AFG1L: variants seen among roughly 807,000 people sequenced by gnomAD.
The protein encoded by AFG1L is AFG1 like ATPase.
In AFG1L, 53 loss-of-function variants were observed where a neutral mutation model predicts 62.2. That is an observed-to-expected ratio of 0.85 (90% CI 0.68 to 1.07). The LOEUF (loss-of-function observed/expected upper bound fraction) is 1.07. AFG1L is among the 50% of genes least tolerant of loss of function. The pLI is 0.00. For missense variants in AFG1L, 555 were observed against 590.5 expected (o/e 0.94, Z 0.62); for synonymous variants, 228 against 210.3 (o/e 1.08, Z -0.73).
chr6:108,495,273 C>T (rs1042245807), intron 10 of AFG1L, among the ~76,000 whole-genome samples: 2 of 152,082 alleles, frequency 1.3e-5, no homozygotes, highest in African/African-American at 4.8e-5. Context: ...TAAGATACCA[C>T]GCATGTTTGT....
At chr6:108,393,446 G>C (rs972661756) in intron 6 of AFG1L, among the ~76,000 whole-genome samples, 1 of 151,912 alleles carries the variant, frequency 6.6e-6, no homozygotes, top group Non-Finnish European at 1.5e-5. Flanking sequence ...ATTTCTCAGA[G>C]CATATAGTTT....
intron 1 of AFG1L, among the ~76,000 whole-genome samples, chr6:108,298,221 C>G (rs1776844706): frequency 1.3e-5 from 2 of 150,854 alleles, no homozygotes; most frequent in African/African-American, 4.9e-5. Context: ...TGTTATAAGA[C>G]TGCAGAGGAG....
At chr6:108,438,420 A>C (rs1771404091) in intron 7 of AFG1L, among the ~76,000 whole-genome samples, 1 of 152,158 alleles carries the variant, frequency 6.6e-6, no homozygotes, top group African/African-American at 2.4e-5. Flanking sequence ...CTCTTCTCAT[A>C]AGGATACCAG....
At chr6:108,361,763 A>G (rs1779539136) in intron 5 of AFG1L, among the ~76,000 whole-genome samples, 1 of 151,908 alleles carries the variant, frequency 6.6e-6, no homozygotes, top group Non-Finnish European at 1.5e-5. Flanking sequence ...TTGCTCAATT[A>G]CCTCCTTAAC....
At position 108,452,972 on chromosome 6, in the gene AFG1L, G is replaced by A. The variant is rs6925785; in HGVS notation, c.890+5676G>A. On this transcript the variant is annotated intron_variant, in intron 8 of 12. Transcript: ENST00000368977. Reference sequence around the variant, plus strand: ...ACTACACACACAACCTTGAGAAATGGTTAGGGCCTCGCATTCTTGGCATAC... The same window carrying A: ...ACTACACACACAACCTTGAGAAATGATTAGGGCCTCGCATTCTTGGCATAC... Among the ~76,000 whole-genome samples, 874 of 152,298 alleles carry A rather than the reference G, an allele frequency of 5.7e-3. 10 individuals carry two copies. The highest frequency in any genetic ancestry group is 0.02 in the African/African-American group (843 of 41,556).
intron 8 of AFG1L, among the ~76,000 whole-genome samples, chr6:108,462,161 A>C (rs1333739252): frequency 6.6e-6 from 1 of 151,958 alleles, no homozygotes; most frequent in Non-Finnish European, 1.5e-5. Flanking sequence ...CAGCACTTTG[A>C]GAGGCTGAGA....
intron 6 of AFG1L, among the ~76,000 whole-genome samples, chr6:108,383,886 A>G (rs1233255877): frequency 1.3e-5 from 2 of 152,174 alleles, no homozygotes; most frequent in African/African-American, 4.8e-5. Flanking sequence ...TGAACAAAAA[A>G]TGTGAAACAA....
chr6:108,329,602 C>G (rs1469070965), intron 2 of AFG1L, among the ~76,000 whole-genome samples: 1 of 151,954 alleles, frequency 6.6e-6, no homozygotes. Context: ...CCTGGCCCCA[C>G]TAAATCTTTA....
chr6:108,327,282 C>G (rs1283471679), intron 2 of AFG1L, among the ~76,000 whole-genome samples: 1 of 152,150 alleles, frequency 6.6e-6, no homozygotes, highest in African/African-American at 2.4e-5. Context: ...TATATAAGAA[C>G]ATAGCAATGA....
intron 2 of AFG1L, chr6:108,344,829 C>G (rs187303406): frequency 2.5e-4 from 119 of 470,374 alleles, no homozygotes; most frequent in African/African-American, 2.0e-3. Context: ...TAACAAAATT[C>G]AAGATGGTTA....
chr6:108,440,007 TA>T (rs1265478613), intron 7 of AFG1L, among the ~76,000 whole-genome samples: 3 of 151,432 alleles, frequency 2.0e-5, no homozygotes, highest in Non-Finnish European at 1.5e-5. Flanking sequence ...GAACTATATA[TA>T]ATATGATAGA....
chr6:108,369,913 G>T (rs1258511041), intron 6 of AFG1L, among the ~76,000 whole-genome samples: 1 of 151,480 alleles, frequency 6.6e-6, no homozygotes, highest in Non-Finnish European at 1.5e-5. Flanking sequence ...CCCAGCCCCA[G>T]ATTGATCTGG....
chr6:108,333,837 T>G lies in AFG1L; in HGVS notation c.363+9789T>G, dbSNP rs1349006872. Among the ~76,000 whole-genome samples, 2 of 152,114 alleles carry G rather than the reference T, an allele frequency of 1.3e-5. 1 individual carries two copies. The highest frequency in any genetic ancestry group is 3.9e-4 in the East Asian group (2 of 5,190). On this transcript the variant is annotated intron_variant, in intron 2 of 12. Coordinates refer to ENST00000368977, the MANE Select transcript of AFG1L (RefSeq NM_145315.5). ...GGAGGCTTCAACTATACTTAATGCT[T>G]TATTACTTAAATTTGAAATAAATGT...
chr6:108,446,811 C>A (rs562306103), intron 7 of AFG1L, among the ~76,000 whole-genome samples: 1 of 151,992 alleles, frequency 6.6e-6, no homozygotes, highest in African/African-American at 2.4e-5. Flanking sequence ...ACTCCCAGCT[C>A]TCTTATGCTG....
In AFG1L at chr6:108,295,119, T is replaced by G. The variant is rs34455016; in HGVS notation, c.40T>G (p.Leu14Val). The change falls in exon 1 of 13, where the codon TTA becomes GTA. Residue 14 changes from leucine to valine, a missense_variant. Leu to Val is a conservative substitution (Grantham distance 32). Coordinates refer to ENST00000368977, the MANE Select transcript of AFG1L (RefSeq NM_145315.5). ...SWSLLVTLRP[L>V]AQSPLRGRCV... ...GTCGCTCTTGGTTACCCTGCGCCCC[T>G]TAGCACAGAGCCCGCTGAGAGGGAG... is the stretch of plus-strand genomic sequence containing the variant. 2.4e-3 allele frequency: 3,946 copies of G among 1,611,266 alleles called. 66 individuals are homozygous for G. The African/African-American group carries it at 0.037, about 15-fold the overall frequency.
At chr6:108,338,729 A>G (rs1029686604) in intron 2 of AFG1L, among the ~76,000 whole-genome samples, 2 of 152,234 alleles carry the variant, frequency 1.3e-5, no homozygotes, top group Non-Finnish European at 2.9e-5. Flanking sequence ...CATAATGCAG[A>G]AATAATGCTT....
intron 6 of AFG1L, among the ~76,000 whole-genome samples, 166 bp from the exon 7 acceptor site, chr6:108,401,830 A>G (rs1473933700): frequency 6.6e-6 from 1 of 151,852 alleles, no homozygotes; most frequent in Non-Finnish European, 1.5e-5. Flanking sequence ...TAAAATTATA[A>G]TAAAATGTGT....
chr6:108,308,536 TG>T (rs990992585), intron 1 of AFG1L, among the ~76,000 whole-genome samples: 44 of 151,850 alleles, frequency 2.9e-4, no homozygotes, highest in Admixed American at 2.8e-3. Flanking sequence ...TTTTTAGAGA[TG>T]GGGTTTTGCT....
intron 8 of AFG1L, among the ~76,000 whole-genome samples, chr6:108,452,236 T>C (rs1485445999): frequency 6.6e-6 from 1 of 152,202 alleles, no homozygotes; most frequent in African/African-American, 2.4e-5. Flanking sequence ...GGGCTGGTAA[T>C]ACTAGAGGTT....
Sources: gnomAD v4.1 joint callset for allele counts (sites outside exome capture counted in the v4.1 genomes callset) on GRCh38, gnomAD v4.1.1 for gene constraint, MANE v1.5 for transcripts, NCBI Gene and HGNC (gene_info 2026-07-23, HGNC 2026-07-21) for gene names.